The following CALB2 variants were observed in gnomAD, a reference collection of about 807,000 sequenced individuals.
The protein encoded by CALB2 is calbindin 2, also known as calretinin.
CALB2 carries 34 observed loss-of-function variants against 45.9 expected under a neutral mutation model. That is an observed-to-expected ratio of 0.74 (90% CI 0.56 to 0.99). The LOEUF (loss-of-function observed/expected upper bound fraction) is 0.99. Among genes scored for constraint, CALB2 ranks in the 50% least tolerant of loss-of-function variants. The pLI, the probability that CALB2 is intolerant of heterozygous loss-of-function variation, is 0.00. For synonymous variants in CALB2, 142 were observed against 129.6 expected (o/e 1.10, Z -0.65); for missense variants, 344 against 339.3 (o/e 1.01, Z -0.11).
At position 71,374,830 on chromosome 16, in the gene CALB2, C is replaced by T. The variant is rs755530471; in HGVS notation, c.257C>T (p.Ala86Val). Reference protein sequence around the residue: ...DKNSDGKIEMAELAQILPTEE... With the variant: ...DKNSDGKIEMVELAQILPTEE... ...AACTCAGATGGGAAAATCGAGATGGCAGAGGTGAGCCCTGCCTCGCTGGTA... is the reference window on the plus strand; with the variant it reads ...AACTCAGATGGGAAAATCGAGATGGTAGAGGTGAGCCCTGCCTCGCTGGTA... Residue 86 changes from alanine (A) to valine (V), a missense_variant, in exon 3 of 11, where the codon GCA (alanine) becomes GTA (valine). By Grantham distance (64) the Ala-to-Val change is moderately conservative. This residue lies in a region of CALB2 where 263 missense variants were observed against 241.7 expected (regional missense o/e 1.09). Transcript: ENST00000302628. The T allele has an allele frequency of 5.0e-6, 8 of 1,606,980 alleles. No individual in the cohort carries two copies. Among genetic ancestry groups the T allele is most frequent in the Non-Finnish European group, 6.8e-6 (8 of 1,173,834 alleles).
rs777053099 is a variant in CALB2 at position 71,358,884 on chromosome 16, A to C, written c.92A>C (p.Asp31Ala). ...GAAATATGGAAGCACTTTGACGCAGACGGTCAGTAAAGCTCCCAACTTCTG... is the reference window on the plus strand; with the variant it reads ...GAAATATGGAAGCACTTTGACGCAGCCGGTCAGTAAAGCTCCCAACTTCTG... ...FLEIWKHFDA[D>A]GNGYIEGKEL... Residue 31 changes from aspartate to alanine, a missense_variant and splice_region_variant, in exon 1 of 11, where the codon GAC becomes GCC. Asp to Ala is a moderately radical substitution (Grantham distance 126). Coordinates refer to ENST00000302628, the MANE Select transcript of CALB2 (RefSeq NM_001740.5). 6.2e-7 allele frequency: 1 copy of C among 1,612,672 alleles called. No homozygotes were observed. Among genetic ancestry groups the C allele is most frequent in the Admixed American group, 1.7e-5 (1 of 59,942 alleles).
chr16:71,377,937 A>G (rs1286443628), intron 4 of CALB2, among the ~76,000 whole-genome samples, 190 bp downstream of exon 4: 1 of 152,196 alleles, frequency 6.6e-6, no homozygotes, highest in Non-Finnish European at 1.5e-5. Flanking sequence ...GAAAACAGAA[A>G]GGGGCCAGGA....
rs935569116 is a variant in CALB2 at position 71,382,750 on chromosome 16, G to A, written c.374G>A (p.Gly125Asp). 2.7e-5 allele frequency: 44 copies of A among 1,612,144 alleles called. No homozygotes were observed. Among genetic ancestry groups the A allele is most frequent in the Non-Finnish European group, 3.6e-5 (42 of 1,179,156 alleles). The change falls in exon 5 of 11, where the codon GGC (glycine) becomes GAC (aspartate). Residue 125 changes from glycine to aspartate, a missense_variant. By Grantham distance (94) the Gly-to-Asp change is moderately conservative (BLOSUM62 -1). Transcript: ENST00000302628. ...AWRKYDTDRS[G>D]YIEANELKGF... ...CGGAAGTACGACACAGACAGGAGTG[G>A]CTACATCGAAGCCAATGAGCTCAAG...
intron 1 of CALB2, among the ~76,000 whole-genome samples, chr16:71,360,359 T>C (rs2042226039): frequency 6.6e-6 from 1 of 152,196 alleles, no homozygotes; most frequent in Non-Finnish European, 1.5e-5. Context: ...GTGATCTGCC[T>C]ATGAATTACT....
intron 1 of CALB2, among the ~76,000 whole-genome samples, chr16:71,362,113 C>T (rs968995951): frequency 1.3e-5 from 2 of 152,192 alleles, no homozygotes; most frequent in Non-Finnish European, 2.9e-5. Context: ...CGTGGCCTTA[C>T]GTATCTGAGC....
chr16:71,374,152 G>A (rs2042383883), intron 2 of CALB2, among the ~76,000 whole-genome samples: 1 of 152,218 alleles, frequency 6.6e-6, no homozygotes. Flanking sequence ...TTGAAGGAAT[G>A]TTTTAAGTTC....
rs1390296999 is a variant in CALB2, at chr16:71,380,272, TTTC to T, written c.343-2441_343-2439del. Among the ~76,000 whole-genome samples the T allele has an allele frequency of 1.6e-3, 240 of 150,318 alleles. 1 individual carries two copies. The highest frequency in any genetic ancestry group is 5.6e-3 in the African/African-American group (231 of 41,086). On this transcript the variant is annotated intron_variant, in intron 4 of 10. Transcript: ENST00000302628. ...TGACAGGATTTCTTTCTTTTCTTTCTTTCTTCTTTCCTTCCTTTTCTTTTTTTT... is the reference window on the plus strand; with the variant it reads ...TGACAGGATTTCTTTCTTTTCTTTCTTTCTTTCCTTCCTTTTCTTTTTTTT...
intron 1 of CALB2, among the ~76,000 whole-genome samples, chr16:71,361,093 G>A (rs952802416): frequency 1.3e-5 from 2 of 152,118 alleles, no homozygotes; most frequent in African/African-American, 4.8e-5. Context: ...GCCTCCTAAA[G>A]CCATTGTGCC....
chr16:71,378,004 C>G (rs1009316769), intron 4 of CALB2, among the ~76,000 whole-genome samples: 6 of 152,210 alleles, frequency 3.9e-5, no homozygotes, highest in Non-Finnish European at 7.4e-5. Flanking sequence ...AGGCGGATCA[C>G]CTGAGGTCAG....
chr16:71,379,330 C>T (rs2042458255), intron 4 of CALB2, among the ~76,000 whole-genome samples: 1 of 151,884 alleles, frequency 6.6e-6, no homozygotes, highest in Non-Finnish European at 1.5e-5. Flanking sequence ...TAGCATTCCC[C>T]TCTTGGCAAT....
At chr16:71,363,397 A>G (rs2042252996) in intron 1 of CALB2, among the ~76,000 whole-genome samples, 1 of 152,030 alleles carries the variant, frequency 6.6e-6, no homozygotes, top group African/African-American at 2.4e-5. Flanking sequence ...ATCTATGTGG[A>G]CCCTGAGGAT....
In CALB2 at chr16:71,380,583, C is replaced by T. The variant is rs145062096; in HGVS notation, c.343-2136C>T. Among the ~76,000 whole-genome samples the T allele has an allele frequency of 5.3e-3, 813 of 152,192 alleles. 1 individual carries two copies. Among genetic ancestry groups the T allele is most frequent in the South Asian group, 9.8e-3 (47 of 4,812 alleles). On this transcript the variant is annotated intron_variant, in intron 4 of 10. Coordinates refer to ENST00000302628, the MANE Select transcript of CALB2 (RefSeq NM_001740.5). ...TTGGCCTCCCAAAGTGCTGGGATTA[C>T]AGGCATGAGCCACCATGCCCAGCCT...
chr16:71,372,530 A>G (rs1264676942), intron 2 of CALB2, among the ~76,000 whole-genome samples: 1 of 152,104 alleles, frequency 6.6e-6, no homozygotes, highest in Non-Finnish European at 1.5e-5. Context: ...TTTTGTCCCT[A>G]GGGACAGAGT....
intron 9 of CALB2, chr16:71,385,211 C>T: frequency 2.9e-6 from 1 of 349,938 alleles, no homozygotes; most frequent in Non-Finnish European, 5.3e-6. Context: ...TCCATACCCA[C>T]CCCTCCCTGG....
At chr16:71,377,623 C>G (rs1466513458) in intron 3 of CALB2, 44 bp from the exon 4 acceptor site, 10 of 1,406,654 alleles carry the variant, frequency 7.1e-6, no homozygotes, top group Non-Finnish European at 1.0e-5. Flanking sequence ...TGCTCCCTGT[C>G]AAGTCCCTCC....
intron 4 of CALB2, 43 bp from the exon 5 acceptor site, chr16:71,382,676 T>G (rs775517731): frequency 2.5e-5 from 40 of 1,599,754 alleles, no homozygotes; most frequent in Non-Finnish European, 3.2e-5. Flanking sequence ...TGGGTAGATT[T>G]TGATACGTCT....
intron 1 of CALB2, among the ~76,000 whole-genome samples, chr16:71,359,972 C>T (rs1271567301): frequency 6.6e-6 from 1 of 152,240 alleles, no homozygotes; most frequent in Non-Finnish European, 1.5e-5. Flanking sequence ...GATGCTGTCT[C>T]CAGAAGACAA....
In CALB2 at chr16:71,389,530, G is replaced by A. The variant is rs759159526; in HGVS notation, c.700-219G>A. 39 of 711,604 alleles carry A rather than the reference G, an allele frequency of 5.5e-5. 1 individual carries two copies. The highest frequency in any genetic ancestry group is 5.3e-4 in the South Asian group (39 of 73,130). 44.1% of individuals were successfully genotyped at this position (711,604 alleles called of 1,614,324 possible). On this transcript the variant is annotated intron_variant, in intron 10 of 10. Coordinates refer to ENST00000302628, the MANE Select transcript of CALB2 (RefSeq NM_001740.5). ...GAGGCAGCTGAGTCTCAGGAAGGTT[G>A]ACTACCTTCCCCAAAGCAATGCAGC...
chr16:71,376,431 G>A (rs746735719), intron 3 of CALB2, among the ~76,000 whole-genome samples: 16 of 152,282 alleles, frequency 1.1e-4, no homozygotes, highest in Admixed American at 2.0e-4. Flanking sequence ...ATCCTCAGGC[G>A]GCTAGCAAGA....
Sources: gnomAD v4.1 joint callset for allele counts (sites outside exome capture counted in the v4.1 genomes callset) on GRCh38, gnomAD v4.1.1 for gene constraint, gnomAD v4.1.1 regional missense constraint, MANE v1.5 for transcripts, NCBI Gene and HGNC (gene_info 2026-07-23, HGNC 2026-07-21) for gene names.